Variants in TAF1 observed in about 807,000 individuals in gnomAD.
TAF1 encodes the protein transcription initiation factor TFIID subunit 1.
In TAF1, 2 loss-of-function variants were observed where a neutral mutation model predicts 138.5. That is an observed-to-expected ratio of 0.01 (90% CI 0.01 to 0.05). The LOEUF (loss-of-function observed/expected upper bound fraction) is 0.05. Among genes scored for constraint, TAF1 ranks in the 10% least tolerant of loss-of-function variants. The pLI, the probability that TAF1 is intolerant of heterozygous loss-of-function variation, is 1.00. For missense variants in TAF1, 709 were observed against 1,478.0 expected, an observed-to-expected ratio of 0.48 and a Z score of 8.53; for synonymous variants, 437 against 503.2, an observed-to-expected ratio of 0.87 and a Z score of 1.76.
At chrX:71,466,296 G>C (rs1028873417), downstream of TAF1, 5 of 111,621 alleles carry the variant, frequency 4.5e-5, no homozygotes, top group Admixed American at 3.8e-4. Flanking sequence ...GCCCAGGCTA[G>C]AGTGCAGTGG....
In TAF1 at chrX:71,366,404, C is replaced by G. The variant is rs1415255937; in HGVS notation, c.30C>G (p.Ser10=). MSDTDSDED[S]AGGGPFSLAG... ...CAGACACGGACAGCGACGAAGATTCCGCTGGAGGCGGCCCATTTTCTTTAG... is the reference window on the plus strand; with the variant it reads ...CAGACACGGACAGCGACGAAGATTCGGCTGGAGGCGGCCCATTTTCTTTAG... Residue 10 remains serine, a synonymous_variant, in exon 1 of 38, where the codon TCC becomes TCG. Coordinates refer to ENST00000423759, the MANE Select transcript of TAF1 (RefSeq NM_004606.5). 9 of 1,209,208 alleles carry G rather than the reference C, an allele frequency of 7.4e-6. No individual in the cohort carries two copies. Among genetic ancestry groups the G allele is most frequent in the Non-Finnish European group, 1.0e-5 (9 of 894,726 alleles).
chrX:71,483,456 T>G (rs1441826687), intron 13 of TAF1, among the ~76,000 whole-genome samples: 3 of 105,315 alleles, frequency 2.8e-5, no homozygotes, highest in Non-Finnish European at 5.8e-5. Flanking sequence ...AAAAATTAAC[T>G]GGGCGTGGTG....
chrX:71,469,139 C>A (rs750938642), downstream of TAF1, among the ~76,000 whole-genome samples: 24 of 111,408 alleles, frequency 2.2e-4, no homozygotes, highest in Non-Finnish European at 4.3e-4. Context: ...CTTGTCTCTA[C>A]TAAAATAAAA....
chrX:71,380,753 C>T (rs752422895), intron 8 of TAF1, among the ~76,000 whole-genome samples: 8 of 111,670 alleles, frequency 7.2e-5, no homozygotes, highest in East Asian at 2.8e-4. Context: ...TGTGTTGGCG[C>T]GATCTTGGCT....
chrX:71,380,345 C>T (rs2033800751), intron 8 of TAF1, among the ~76,000 whole-genome samples: 1 of 111,801 alleles, frequency 8.9e-6, no homozygotes, highest in South Asian at 3.7e-4. Context: ...AGAGCCACCC[C>T]ACCCAGCCAC....
chrX:71,503,312 ATATATATATGTG>A (rs1476012514), intron 13 of TAF1, among the ~76,000 whole-genome samples: 1 of 93,509 alleles, frequency 1.1e-5, no homozygotes, highest in African/African-American at 4.5e-5. Flanking sequence ...ATATATATAT[ATATATATATGTG>A]TGTGTATATA....
Position 71,424,254 on chromosome X carries a change from T to C in TAF1, c.4753+16T>C, listed in dbSNP as rs777071535. ...AAGTATAATGGTGGGTATTTCTCAT[T>C]ATTTTCTTTCCATGAATCCGTCCAT... On this transcript the variant is annotated intron_variant, in intron 32 of 37. Transcript: ENST00000423759. The C allele has an allele frequency of 1.6e-5, 18 of 1,159,718 alleles. No individual in the cohort carries two copies. In the African/African-American group the frequency reaches 2.5e-4, roughly 16 times the overall value.
At chrX:71,397,831 G>A (rs980381939) in intron 23 of TAF1, among the ~76,000 whole-genome samples, 1 of 111,233 alleles carries the variant, frequency 9.0e-6, no homozygotes, top group Non-Finnish European at 1.9e-5. Flanking sequence ...TAATGGTGGG[G>A]AATGGTGATT....
intron 32 of TAF1, among the ~76,000 whole-genome samples, chrX:71,428,997 C>T (rs753661092): frequency 9.8e-5 from 11 of 111,763 alleles, no homozygotes; most frequent in South Asian, 3.7e-4. Context: ...GCAGGGAGGC[C>T]GGGCGCGGTG....
rs879103327 is a variant in TAF1 at position 71,464,705 on chromosome X, CAAAAAA to C, written c.*667_*672del. 9.6e-6 allele frequency: 1 copy of C among 104,183 alleles called. No individual in the cohort carries two copies. The highest frequency in any genetic ancestry group is 1.9e-5 in the Non-Finnish European group (1 of 51,938). 8.6% of individuals were successfully genotyped at this position (104,183 alleles called of 1,213,427 possible). The stretch of plus-strand genomic sequence containing the variant: ...TGGGCGAAAGAGTGAGATTCAGTCT[CAAAAAA>C]AAAAAAATTTCCAAGCATGGTATCA... On this transcript the variant is annotated 3_prime_UTR_variant, in exon 38 of 38. Coordinates refer to ENST00000423759, the MANE Select transcript of TAF1 (RefSeq NM_004606.5).
At chrX:71,431,040 A>G (rs939789243) in intron 32 of TAF1, among the ~76,000 whole-genome samples, 3 of 84,446 alleles carry the variant, frequency 3.6e-5, no homozygotes, top group Non-Finnish European at 6.6e-5. Flanking sequence ...TTTGAGACAG[A>G]ATCTTGCTCT....
rs2033667652 is a variant in TAF1, at chrX:71,378,838, TGAG to T, written c.1170_1172del (p.Glu391del). ...TACTTACACAGGAATTTAGGAAACT[TGAG>T]GAAAACAATGGCACTGATCTTCTGG... On this transcript the variant is annotated inframe_deletion, in exon 8 of 38. Coordinates refer to ENST00000423759, the MANE Select transcript of TAF1 (RefSeq NM_004606.5). 1.7e-6 allele frequency: 2 copies of T among 1,211,166 alleles called. No individual in the cohort carries two copies. Among genetic ancestry groups the T allele is most frequent in the Middle Eastern group, 2.4e-4 (1 of 4,249 alleles).
intron 32 of TAF1, among the ~76,000 whole-genome samples, chrX:71,451,817 C>T (rs1198986580): frequency 9.0e-6 from 1 of 111,301 alleles, no homozygotes; most frequent in Non-Finnish European, 1.9e-5. Context: ...CAACAGGATC[C>T]CAAGGCAGAA....
intron 28 of TAF1, among the ~76,000 whole-genome samples, chrX:71,416,408 A>C (rs1168008199): frequency 1.9e-5 from 2 of 107,856 alleles, no homozygotes; most frequent in Non-Finnish European, 3.8e-5. Flanking sequence ...AAAGAAGAAG[A>C]AACGTGGCTT....
At chrX:71,485,483 CCAA>C (rs1326024003) in intron 13 of TAF1, among the ~76,000 whole-genome samples, 2 of 112,088 alleles carry the variant, frequency 1.8e-5, no homozygotes, top group African/African-American at 6.5e-5. Context: ...CACAATCCCA[CCAA>C]CACTTGCTGC....
At chrX:71,471,161 C>CA (rs2038876990) in intron 13 of TAF1, among the ~76,000 whole-genome samples, 1 of 106,818 alleles carries the variant, frequency 9.4e-6, no homozygotes, top group African/African-American at 3.4e-5. Flanking sequence ...ACTAAAAATA[C>CA]AAAAAAATTA....
intron 25 of TAF1, among the ~76,000 whole-genome samples, chrX:71,403,004 C>T (rs2035259539): frequency 9.1e-6 from 1 of 110,118 alleles, no homozygotes; most frequent in East Asian, 2.8e-4. Context: ...AATGATTTTC[C>T]CTACCTTTTA....
intron 29 of TAF1, among the ~76,000 whole-genome samples, chrX:71,422,769 C>T (rs2036415874): frequency 9.0e-6 from 1 of 110,936 alleles, no homozygotes; most frequent in African/African-American, 3.3e-5. Context: ...GATAGAGCTT[C>T]GCTCTGTCCA....
At chrX:71,418,761 A>ATTTTTTTT (rs1259701142) in intron 28 of TAF1, among the ~76,000 whole-genome samples, 2 of 70,648 alleles carry the variant, frequency 2.8e-5, no homozygotes, top group African/African-American at 5.9e-5. Flanking sequence ...CAGTATGGAG[A>ATTTTTTTT]TTTTTTTTTT....
Sources: gnomAD v4.1 joint callset for allele counts (sites outside exome capture counted in the v4.1 genomes callset) on GRCh38, gnomAD v4.1.1 for gene constraint, MANE v1.5 for transcripts, NCBI Gene and HGNC (gene_info 2026-07-23, HGNC 2026-07-21) for gene names.